CFHR5: variants seen among roughly 807,000 people sequenced by gnomAD.
The protein encoded by CFHR5 is complement factor H related 5.
A neutral mutation model predicts 62.9 loss-of-function variants in CFHR5; 73 were observed. The ratio of observed to expected loss-of-function variants is 1.16; its 90% CI spans 0.96 to 1.41. The LOEUF is 1.41. Ranked by LOEUF, CFHR5 falls within the 40% of genes most tolerant of loss-of-function variation. The probability of loss-of-function intolerance (pLI) is 0.00; values close to 1 mark genes in which losing one functional copy is unlikely to be tolerated. For synonymous variants in CFHR5, 249 were observed against 227.2 expected (o/e 1.10, Z -0.86); for missense variants, 779 against 679.9 (o/e 1.15, Z -1.62).
intron 1 of CFHR5, among the ~76,000 whole-genome samples, chr1:196,980,377 C>T (rs987092167): frequency 6.6e-6 from 1 of 151,798 alleles, no homozygotes; most frequent in African/African-American, 2.4e-5. Context: ...ATTGTGTGTG[C>T]TATTGTTTAT....
upstream of CFHR5, among the ~76,000 whole-genome samples, chr1:196,975,515 T>G (rs931195443): frequency 6.6e-6 from 1 of 152,070 alleles, no homozygotes; most frequent in Non-Finnish European, 1.5e-5. Flanking sequence ...GTAGAGACCA[T>G]AACAAGATAG....
At chr1:197,001,548 TG>T (rs557219190) in intron 7 of CFHR5, among the ~76,000 whole-genome samples, 1,900 of 152,126 alleles carry the variant, frequency 0.012, 53 homozygotes, top group African/African-American at 0.041. Context: ...TCACTGAATA[TG>T]TTTTTTTTAA....
At chr1:196,989,689 T>A (rs1004422224) in intron 3 of CFHR5, among the ~76,000 whole-genome samples, 1 of 152,108 alleles carries the variant, frequency 6.6e-6, no homozygotes, top group Non-Finnish European at 1.5e-5. Context: ...TTTGAGTGAG[T>A]TTCTTAATCC....
At chr1:196,985,075 A>G (rs1453850019) in intron 3 of CFHR5, among the ~76,000 whole-genome samples, 1 of 152,182 alleles carries the variant, frequency 6.6e-6, no homozygotes, top group Non-Finnish European at 1.5e-5. Context: ...AAATTTTCTA[A>G]ATTTTTTTTC....
chr1:196,989,724 G>T (rs1571517506), intron 3 of CFHR5, among the ~76,000 whole-genome samples: 1 of 152,246 alleles, frequency 6.6e-6, no homozygotes, highest in East Asian at 1.9e-4. Context: ...CTTGCACTGT[G>T]GTATGAGAGA....
chr1:196,983,847 A>G, intron 2 of CFHR5, 114 bp from the exon 3 acceptor site: 5 of 691,870 alleles, frequency 7.2e-6, no homozygotes, highest in Non-Finnish European at 1.2e-5. Context: ...AATTCTTTTG[A>G]AAATATTTAC....
chr1:196,984,248 T>C, intron 3 of CFHR5, 111 bp downstream of exon 3: 1 of 962,166 alleles, frequency 1.0e-6, no homozygotes, highest in Non-Finnish European at 1.6e-6. Context: ...TCTATCATTA[T>C]TTATTTGATT....
intron 1 of CFHR5, among the ~76,000 whole-genome samples, chr1:196,980,418 C>T (rs1362381384): frequency 6.6e-6 from 1 of 151,906 alleles, no homozygotes; most frequent in Non-Finnish European, 1.5e-5. Context: ...TTTGTTTATA[C>T]CAGCACTGCC....
intron 9 of CFHR5, among the ~76,000 whole-genome samples, 188 bp from the exon 10 acceptor site, chr1:197,008,299 C>T (rs528731808): frequency 2.0e-5 from 3 of 151,620 alleles, no homozygotes; most frequent in African/African-American, 7.2e-5. Flanking sequence ...TTTATTTCCT[C>T]ATATGTAGCC....
chr1:196,986,920 T>C lies in CFHR5; in HGVS notation c.430+2783T>C, dbSNP rs532822134. Among the ~76,000 whole-genome samples the C allele has an allele frequency of 2.4e-3, 358 of 152,310 alleles. 6 individuals carry two copies. The highest frequency in any genetic ancestry group is 5.3e-4 in the Non-Finnish European group (36 of 68,014). ...CACTGGGTCAAATGGTATTTCTGGT[T>C]CTAGATCCTTGAGGAATTGCCACAC... On this transcript the variant is annotated intron_variant, in intron 3 of 9. Coordinates refer to ENST00000256785, the MANE Select transcript of CFHR5 (RefSeq NM_030787.4).
At chr1:196,999,999 C>T (rs1002180472) in intron 7 of CFHR5, among the ~76,000 whole-genome samples, 1 of 151,620 alleles carries the variant, frequency 6.6e-6, no homozygotes, top group East Asian at 1.9e-4. Flanking sequence ...ATAAGCAGAG[C>T]TGTCTAAATG....
intron 1 of CFHR5, among the ~76,000 whole-genome samples, chr1:196,980,628 G>GTGTC (rs1491195134): frequency 2.0e-4 from 28 of 142,568 alleles, no homozygotes; most frequent in African/African-American, 7.1e-4. Context: ...GTGTGTGTGT[G>GTGTC]TATCCCAGAA....
upstream of CFHR5, among the ~76,000 whole-genome samples, chr1:196,976,799 C>CTTTTTTTTTTTTTTTT (rs10588279): frequency 1.0e-5 from 1 of 98,156 alleles, no homozygotes; most frequent in African/African-American, 4.7e-5. Context: ...AAAAATTATT[C>CTTTTTTTTTTTTTTTT]TTTTTTTTTT....
At chr1:196,982,223 C>T (rs1479517871) in intron 1 of CFHR5, among the ~76,000 whole-genome samples, 2 of 152,156 alleles carry the variant, frequency 1.3e-5, no homozygotes, top group East Asian at 3.8e-4. Flanking sequence ...AATCCTATCA[C>T]TCCTCTACTG....
intron 7 of CFHR5, among the ~76,000 whole-genome samples, chr1:197,001,365 G>A (rs1254448217): frequency 6.6e-6 from 1 of 151,704 alleles, no homozygotes; most frequent in East Asian, 1.9e-4. Flanking sequence ...ATTTTATACT[G>A]ACCTCAGGTT....
intron 3 of CFHR5, among the ~76,000 whole-genome samples, chr1:196,991,010 C>T (rs978258071): frequency 1.4e-4 from 22 of 151,812 alleles, no homozygotes; most frequent in African/African-American, 4.1e-4. Flanking sequence ...AGCAATCAAA[C>T]GTAGATTTGG....
intron 7 of CFHR5, among the ~76,000 whole-genome samples, chr1:197,001,721 G>GC (rs1485710591): frequency 1.3e-5 from 1 of 77,864 alleles, no homozygotes; most frequent in Non-Finnish European, 2.4e-5. Flanking sequence ...CCCCACAACA[G>GC]CCCCCGGTGT....
At chr1:196,983,894 G>T in intron 2 of CFHR5, 67 bp from the exon 3 acceptor site, 1 of 1,135,658 alleles carries the variant, frequency 8.8e-7, no homozygotes, top group South Asian at 1.4e-5. Flanking sequence ...CTTTCTTAAT[G>T]AAATATTTTT....
chr1:196,986,917 G>A (rs1170879), intron 3 of CFHR5, among the ~76,000 whole-genome samples: 63,508 of 151,916 alleles, frequency 0.42, 15,512 homozygotes, highest in African/African-American at 0.69. Context: ...TGGTATTTCT[G>A]GTTCTAGATC....
Sources: allele counts gnomAD v4.1 joint callset (sites outside exome capture counted in the v4.1 genomes callset), GRCh38; gene constraint gnomAD v4.1.1; transcripts MANE v1.5; gene names NCBI Gene and HGNC (gene_info 2026-07-23, HGNC 2026-07-21).